The following IQGAP1 variants were observed in gnomAD, a reference collection of about 807,000 sequenced individuals.
IQGAP1 encodes IQ motif containing GTPase activating protein 1, also known as ras GTPase-activating-like protein IQGAP1.
A neutral mutation model predicts 215.6 loss-of-function variants in IQGAP1; 66 were observed. That is an observed-to-expected ratio of 0.31 (90% CI 0.25 to 0.38). The LOEUF (loss-of-function observed/expected upper bound fraction) is 0.38, where lower values mean the gene tolerates loss of function less well. Ranked by LOEUF, IQGAP1 falls within the 10% of genes least tolerant of loss-of-function variation. IQGAP1 has a pLI of 1.00. For missense variants in IQGAP1, 1,712 were observed against 1,997.1 expected (o/e 0.86, Z 2.72); for synonymous variants, 772 against 728.7 (o/e 1.06, Z -0.96).
In IQGAP1 at chr15:90,400,551, C is replaced by T. The variant is rs1419629747; in HGVS notation, c.155+9678C>T. ...TAGTTTACCACTTCCCTTTATAATC[C>T]GTAGGTGTTGAAATAGATGTGGCCA... On this transcript the variant is annotated intron_variant, in intron 2 of 37. Coordinates refer to ENST00000268182, the MANE Select transcript of IQGAP1 (RefSeq NM_003870.4). Among the ~76,000 whole-genome samples the T allele has an allele frequency of 3.3e-5, 5 of 152,046 alleles. No homozygotes were observed. In the East Asian group the frequency reaches 7.7e-4, roughly 23 times the overall value.
At chr15:90,421,491 G>C (rs1358890108) in intron 2 of IQGAP1, among the ~76,000 whole-genome samples, 1 of 150,018 alleles carries the variant, frequency 6.7e-6, no homozygotes, top group Non-Finnish European at 1.5e-5. Context: ...AAAAAAAAAA[G>C]CTAGAGATAT....
intron 2 of IQGAP1, among the ~76,000 whole-genome samples, chr15:90,409,295 T>C (rs1229349831): frequency 6.7e-6 from 1 of 148,888 alleles, no homozygotes; most frequent in Non-Finnish European, 1.5e-5. Flanking sequence ...TGGAGTGCAG[T>C]GGCACGATCT....
intron 15 of IQGAP1, among the ~76,000 whole-genome samples, chr15:90,460,286 A>T (rs938813429): frequency 1.3e-5 from 2 of 152,174 alleles, no homozygotes; most frequent in African/African-American, 4.8e-5. Context: ...TTTTCTGAGC[A>T]TGTGCACAGC....
chr15:90,487,182 C>A, intron 32 of IQGAP1, 93 bp downstream of exon 32: 1 of 1,228,160 alleles, frequency 8.1e-7, no homozygotes, highest in Non-Finnish European at 1.2e-6. Flanking sequence ...CTGAAATGAC[C>A]ATCCTGACCT....
chr15:90,477,929 T>C (rs779772642), intron 26 of IQGAP1, 40 bp downstream of exon 26: 5 of 1,278,320 alleles, frequency 3.9e-6, no homozygotes, highest in South Asian at 1.2e-5. Flanking sequence ...CATGTTGTTA[T>C]AGTCTTTCCC....
intron 11 of IQGAP1, among the ~76,000 whole-genome samples, chr15:90,450,161 G>A (rs573359539): frequency 2.4e-4 from 36 of 151,950 alleles, no homozygotes; most frequent in African/African-American, 8.4e-4. Flanking sequence ...ACCCTTCCCA[G>A]CTTCTGGGAA....
At chr15:90,439,093 C>T (rs1417914297) in intron 5 of IQGAP1, among the ~76,000 whole-genome samples, 1 of 151,944 alleles carries the variant, frequency 6.6e-6, no homozygotes, top group South Asian at 2.1e-4. Context: ...CTGATTTCTC[C>T]CAGTCCAGTG....
chr15:90,479,421 G>A (rs115366871), intron 26 of IQGAP1, among the ~76,000 whole-genome samples: 24 of 151,978 alleles, frequency 1.6e-4, no homozygotes, highest in African/African-American at 4.1e-4. Context: ...GGTGGAGAAC[G>A]GAACATTCTG....
At chr15:90,491,253 C>G in intron 33 of IQGAP1, 80 bp from the exon 34 acceptor site, 2 of 1,173,772 alleles carry the variant, frequency 1.7e-6, no homozygotes, top group Admixed American at 2.0e-5. Context: ...TGTATAAGTT[C>G]AGGTGCAAAT....
Position 90,492,601 on chromosome 15 carries a change from G to A in IQGAP1, c.4518G>A (p.Leu1506=), listed in dbSNP as rs1028521679. 6.2e-7 allele frequency: 1 copy of A among 1,613,802 alleles called. No homozygotes were observed. The highest frequency in any genetic ancestry group is 1.3e-5 in the African/African-American group (1 of 74,900). ...GGAGAAAGGCCGAACTAGTGAAACT[G>A]CAACAGACATACGCTGCTCTGAACT... ...RQRRKAELVK[L]QQTYAALNSK... Residue 1506 remains leucine (L), a synonymous_variant, in exon 35 of 38, where the codon CTG becomes CTA. Transcript: ENST00000268182.
chr15:90,491,329 G>A lies in IQGAP1; in HGVS notation c.4249-4G>A, dbSNP rs1454310275. The A allele has an allele frequency of 9.3e-6, 15 of 1,612,694 alleles. No homozygotes were observed. Among genetic ancestry groups the A allele is most frequent in the Middle Eastern group, 1.6e-4 (1 of 6,062 alleles). ...TGCTAAGAACTTCTTTTTCCCATCC[G>A]TAGGAAGCAGAACATCAGAGAGCCA... On this transcript the variant is annotated splice_polypyrimidine_tract_variant and splice_region_variant and intron_variant, in intron 33 of 37. Coordinates refer to ENST00000268182, the MANE Select transcript of IQGAP1 (RefSeq NM_003870.4).
intron 5 of IQGAP1, among the ~76,000 whole-genome samples, chr15:90,434,360 C>T (rs566957850): frequency 2.0e-5 from 3 of 151,864 alleles, no homozygotes; most frequent in Non-Finnish European, 4.4e-5. Context: ...ATTGCTTGAA[C>T]CCGGAAGGCA....
intron 15 of IQGAP1, 49 bp from the exon 16 acceptor site, chr15:90,465,952 A>C: frequency 2.1e-6 from 3 of 1,423,464 alleles, no homozygotes; most frequent in Non-Finnish European, 3.0e-6. Context: ...TGTATGTTAC[A>C]TGTACCCTGA....
chr15:90,388,386 G>T lies in IQGAP1; in HGVS notation c.45G>T (p.Pro15=), dbSNP rs368181848. The change falls in exon 1 of 38, where the codon CCG becomes CCT. Residue 15 remains proline, a synonymous_variant. Transcript: ENST00000268182. ...DEVDGLGVAR[P]HYGSVLDNER... ...TTGACGGGCTGGGCGTGGCCCGGCC[G>T]CACTATGGCTGTGAGTGCGGGGCTC... 10 of 1,587,204 alleles carry T rather than the reference G, an allele frequency of 6.3e-6. No homozygotes were observed. The highest frequency in any genetic ancestry group is 7.7e-6 in the Non-Finnish European group (9 of 1,169,024).
chr15:90,474,916 TCTC>T (rs769933535), intron 23 of IQGAP1: 3 of 528,668 alleles, frequency 5.7e-6, no homozygotes, highest in Non-Finnish European at 1.0e-5. Context: ...TTCAAGCAAT[TCTC>T]CTCCCTCAAC....
intron 36 of IQGAP1, among the ~76,000 whole-genome samples, chr15:90,495,614 A>T (rs1002417320): frequency 1.5e-4 from 23 of 149,490 alleles, no homozygotes; most frequent in African/African-American, 5.4e-4. Context: ...ATAAATACAT[A>T]TATATATATT....
At chr15:90,465,558 G>A (rs1255874775) in intron 15 of IQGAP1, among the ~76,000 whole-genome samples, 1 of 152,170 alleles carries the variant, frequency 6.6e-6, no homozygotes. Context: ...TGACTGGAGT[G>A]CAGTGGTAAG....
At chr15:90,440,038 G>C (rs1965426424) in intron 6 of IQGAP1, among the ~76,000 whole-genome samples, 1 of 152,210 alleles carries the variant, frequency 6.6e-6, no homozygotes, top group South Asian at 2.1e-4. Context: ...TTCCAGGGAA[G>C]TTATTCACCA....
At chr15:90,450,645 T>A (rs1035879035) in intron 11 of IQGAP1, among the ~76,000 whole-genome samples, 2 of 151,980 alleles carry the variant, frequency 1.3e-5, no homozygotes, top group African/African-American at 4.8e-5. Context: ...GCCATTTTAA[T>A]TGGGGTGAGA....
Sources: allele counts gnomAD v4.1 joint callset (sites outside exome capture counted in the v4.1 genomes callset), GRCh38; gene constraint gnomAD v4.1.1; transcripts MANE v1.5; gene names NCBI Gene and HGNC (gene_info 2026-07-23, HGNC 2026-07-21).